Variants in CFHR2 observed in about 807,000 individuals in gnomAD.
The protein encoded by CFHR2 is complement factor H related 2.
A neutral mutation model predicts 21.7 loss-of-function variants in CFHR2; 22 were observed. The ratio of observed to expected loss-of-function variants is 1.01; its 90% CI spans 0.72 to 1.45. The LOEUF is 1.45. Among genes scored for constraint, CFHR2 ranks in the 40% most tolerant of loss-of-function variants. The pLI, the probability that CFHR2 is intolerant of heterozygous loss-of-function variation, is 0.00. For missense variants in CFHR2, 294 were observed against 293.3 expected (o/e 1.00, Z -0.02); for synonymous variants, 98 against 97.4 (o/e 1.01, Z -0.04).
rs1659648292 is a variant in CFHR2, at chr1:196,949,595, T to C, written c.199T>C (p.Trp67Arg). 3 of 1,614,070 alleles carry C rather than the reference T, an allele frequency of 1.9e-6. No homozygotes were observed. The highest frequency in any genetic ancestry group is 2.2e-5 in the East Asian group (1 of 44,868). ...TTTTGTGTCTCCTTCAAAATCCTTT[T>C]GGACTCGCATAACGTGCGCAGAAGA... ...YNFVSPSKSF[W>R]TRITCAEEGW... The change falls in exon 2 of 5, where the codon TGG (tryptophan) becomes CGG (arginine). Residue 67 changes from tryptophan to arginine, a missense_variant. Trp to Arg is a moderately radical substitution (Grantham distance 101). Transcript: ENST00000367415.
At chr1:196,955,716 T>G (rs954734880) in intron 3 of CFHR2, among the ~76,000 whole-genome samples, 6 of 125,100 alleles carry the variant, frequency 4.8e-5, no homozygotes, top group African/African-American at 2.3e-4. Flanking sequence ...GGCATGGTGG[T>G]GACTCCTGTA....
chr1:196,956,662 A>C (rs1389149779), intron 3 of CFHR2, among the ~76,000 whole-genome samples: 2 of 151,930 alleles, frequency 1.3e-5, no homozygotes, highest in Non-Finnish European at 2.9e-5. Flanking sequence ...GATTTTTTTA[A>C]TTATTGTTTT....
At position 196,950,973 on chromosome 1, in the gene CFHR2, C is replaced by A. The variant is rs1165864952; in HGVS notation, c.375C>A (p.Asn125Lys). Residue 125 changes from asparagine (N) to lysine (K), a missense_variant, in exon 3 of 5, where the codon AAC (asparagine) becomes AAA (lysine). Asn to Lys is a moderately conservative substitution (Grantham distance 94). Transcript: ENST00000367415. ...NTGYRLQNNE[N>K]NISCVERGWS... The stretch of plus-strand genomic sequence containing the variant: ...GATACAGACTTCAAAACAATGAGAA[C>A]AACATTTCATGTGTAGAACGGGGCT... 1 of 1,614,050 alleles carries A rather than the reference C, an allele frequency of 6.2e-7. No homozygotes were observed. The highest frequency in any genetic ancestry group is 2.2e-5 in the East Asian group (1 of 44,872).
intron 4 of CFHR2, 45 bp downstream of exon 4, chr1:196,958,118 A>G (rs758466336): frequency 2.6e-6 from 4 of 1,559,056 alleles, no homozygotes; most frequent in East Asian, 4.5e-5. Context: ...AATCAGTGTG[A>G]TGAGTCTGAT....
intron 3 of CFHR2, among the ~76,000 whole-genome samples, chr1:196,952,938 G>A (rs892349635): frequency 4.6e-5 from 7 of 152,158 alleles, no homozygotes; most frequent in Non-Finnish European, 1.0e-4. Flanking sequence ...AACATATTGA[G>A]GTTATCAGAG....
chr1:196,957,797 C>A, intron 3 of CFHR2, 94 bp from the exon 4 acceptor site: 1 of 1,083,780 alleles, frequency 9.2e-7, no homozygotes, highest in Non-Finnish European at 1.4e-6. Flanking sequence ...ATCACAAAAG[C>A]CCTGATAGAC....
intron 1 of CFHR2, among the ~76,000 whole-genome samples, chr1:196,948,763 C>T (rs1301277304): frequency 6.6e-6 from 1 of 151,662 alleles, no homozygotes; most frequent in African/African-American, 2.4e-5. Flanking sequence ...ACCAGTGGGG[C>T]TGACCGTATA....
chr1:196,948,832 A>G (rs540128226), intron 1 of CFHR2, among the ~76,000 whole-genome samples: 3 of 152,290 alleles, frequency 2.0e-5, no homozygotes, highest in South Asian at 4.1e-4. Context: ...ATATTTGTAT[A>G]TACAACATTA....
At chr1:196,958,799 T>A in intron 4 of CFHR2, 82 bp from the exon 5 acceptor site, 1 of 855,136 alleles carries the variant, frequency 1.2e-6, no homozygotes, top group East Asian at 2.6e-5. Context: ...TCAACCATCA[T>A]ATAACATTCT....
rs553394980 is a variant in CFHR2, at chr1:196,956,687, T to A, written c.431-1204T>A. Reference sequence around the variant, plus strand: ...ATTATTGTTTTACTATTTGGGTTTATAATTCCTATTGGATTTTTTAAAGCA... The same window carrying A: ...ATTATTGTTTTACTATTTGGGTTTAAAATTCCTATTGGATTTTTTAAAGCA... On this transcript the variant is annotated intron_variant, in intron 3 of 4. Coordinates refer to ENST00000367415, the MANE Select transcript of CFHR2 (RefSeq NM_005666.4). Among the ~76,000 whole-genome samples the A allele has an allele frequency of 1.9e-4, 29 of 152,284 alleles. 2 individuals carry two copies. The East Asian group carries it at 5.6e-3, about 29-fold the overall frequency.
At chr1:196,945,621 T>C (rs1659445701) in intron 1 of CFHR2, among the ~76,000 whole-genome samples, 1 of 112,244 alleles carries the variant, frequency 8.9e-6, no homozygotes, top group South Asian at 3.5e-4. Flanking sequence ...AGTAGCAAAA[T>C]ATTTATCAAG....
chr1:196,944,293 T>C lies in CFHR2; in HGVS notation c.58+355T>C, dbSNP rs201738461. On this transcript the variant is annotated intron_variant, in intron 1 of 4. Transcript: ENST00000367415. ...CTAGAACAATCAATCTCAAAAAGAT[T>C]TGGCCACCTTCAAAATGCTTTTTGG... Among the ~76,000 whole-genome samples, 50 of 149,356 alleles carry C rather than the reference T, an allele frequency of 3.3e-4. No homozygotes were observed. The East Asian group carries it at 9.2e-3, about 28-fold the overall frequency.
At position 196,959,127 on chromosome 1, in the gene CFHR2, T is replaced by C; in HGVS notation, c.*47T>C. The C allele has an allele frequency of 1.6e-6, 2 of 1,265,496 alleles. No homozygotes were observed. The highest frequency in any genetic ancestry group is 2.2e-5 in the Admixed American group (1 of 45,828). 78.4% of individuals were successfully genotyped at this position (1,265,496 alleles called of 1,614,324 possible). ...TAAAATGCACACCTTTTTCTGAATTTACTATTATATTTGTTTTCAATTTCA... is the reference window on the plus strand; with the variant it reads ...TAAAATGCACACCTTTTTCTGAATTCACTATTATATTTGTTTTCAATTTCA... On this transcript the variant is annotated 3_prime_UTR_variant, in exon 5 of 5. Coordinates refer to ENST00000367415, the MANE Select transcript of CFHR2 (RefSeq NM_005666.4).
Position 196,950,995 on chromosome 1 carries a change from G to A in CFHR2, c.397G>A (p.Gly133Ser), listed in dbSNP as rs1355289883. Residue 133 changes from glycine to serine, a missense_variant, in exon 3 of 5, where the codon GGC (glycine) becomes AGC (serine). Coordinates refer to ENST00000367415, the MANE Select transcript of CFHR2 (RefSeq NM_005666.4). Reference protein sequence around the residue: ...NENNISCVERGWSTPPKCRST... With the variant: ...NENNISCVERSWSTPPKCRST... ...GAACAACATTTCATGTGTAGAACGG[G>A]GCTGGTCCACTCCTCCCAAATGCAG... is the stretch of plus-strand genomic sequence containing the variant. 1 of 1,614,014 alleles carries A rather than the reference G, an allele frequency of 6.2e-7. No individual in the cohort carries two copies. The highest frequency in any genetic ancestry group is 2.2e-5 in the East Asian group (1 of 44,870).
rs1652959697 is a variant in CFHR2 at position 196,957,959 on chromosome 1, G to T, written c.499G>T (p.Val167Leu). Residue 167 changes from valine (V) to leucine (L), a missense_variant, in exon 4 of 5, where the codon GTA (valine) becomes TTA (leucine). Transcript: ENST00000367415. ...AGACATTACTTCATTCCTGTTGTCA[G>T]TATATGCTCCAGGTTCATCAGTTGA... ...NGDITSFLLS[V>L]YAPGSSVEYQ... 2 of 1,613,590 alleles carry T rather than the reference G, an allele frequency of 1.2e-6. No homozygotes were observed. Among genetic ancestry groups the T allele is most frequent in the Non-Finnish European group, 1.7e-6 (2 of 1,179,764 alleles).
intron 1 of CFHR2, among the ~76,000 whole-genome samples, chr1:196,946,708 C>T (rs866562266): frequency 6.6e-6 from 1 of 152,164 alleles, no homozygotes; most frequent in African/African-American, 2.4e-5. Flanking sequence ...GCTGTCCTCT[C>T]CTATGATAAC....
intron 2 of CFHR2, among the ~76,000 whole-genome samples, chr1:196,950,629 A>T (rs1262576564): frequency 2.6e-5 from 4 of 152,034 alleles, no homozygotes. Context: ...GCACACCACT[A>T]TGCCCGCTAA....
At position 196,950,997 on chromosome 1, in the gene CFHR2, C is replaced by G; in HGVS notation, c.399C>G (p.Gly133=). The part of the protein sequence containing the change: ...NENNISCVER[G]WSTPPKCRST... ...ACAACATTTCATGTGTAGAACGGGG[C>G]TGGTCCACTCCTCCCAAATGCAGGT... The change falls in exon 3 of 5, where the codon GGC becomes GGG. Residue 133 remains glycine, a synonymous_variant. Transcript: ENST00000367415. 6.2e-7 allele frequency: 1 copy of G among 1,613,490 alleles called. No homozygotes were observed. The highest frequency in any genetic ancestry group is 8.5e-7 in the Non-Finnish European group (1 of 1,179,822).
intron 3 of CFHR2, among the ~76,000 whole-genome samples, chr1:196,956,364 A>G (rs1471247779): frequency 6.6e-6 from 1 of 152,214 alleles, no homozygotes; most frequent in Non-Finnish European, 1.5e-5. Flanking sequence ...TGAGAAAAAT[A>G]TTGTATAGTA....
Sources: gnomAD v4.1 joint callset for allele counts (sites outside exome capture counted in the v4.1 genomes callset) on GRCh38, gnomAD v4.1.1 for gene constraint, MANE v1.5 for transcripts, NCBI Gene and HGNC (gene_info 2026-07-23, HGNC 2026-07-21) for gene names.